Variants in MARF1 observed in about 807,000 individuals in gnomAD.
MARF1 encodes meiosis regulator and mRNA stability factor 1.
In MARF1, 24 loss-of-function variants were observed where a neutral mutation model predicts 168.2. The observed-to-expected ratio is 0.14, with a 90% CI of 0.10 to 0.20. The LOEUF (loss-of-function observed/expected upper bound fraction) is 0.20. Ranked by LOEUF, MARF1 falls within the 10% of genes least tolerant of loss-of-function variation. The pLI is 1.00. For synonymous variants in MARF1, 868 were observed against 822.4 expected (o/e 1.06, Z -0.95); for missense variants, 1,744 against 2,143.6 (o/e 0.81, Z 3.68).
Position 15,616,974 on chromosome 16 carries a change from A to G in MARF1, c.3077+78T>C, listed in dbSNP as rs141728650. The G allele has an allele frequency of 5.4e-5, 82 of 1,506,292 alleles. No individual in the cohort carries two copies. In the African/African-American group the frequency reaches 1.0e-3, roughly 19 times the overall value. 93.3% of individuals were successfully genotyped at this position (1,506,292 alleles called of 1,614,324 possible). On this transcript the variant is annotated intron_variant, in intron 15 of 26. Coordinates refer to ENST00000396368, the MANE Select transcript of MARF1 (RefSeq NM_014647.4). ...TTGTAGAGTACTTATTTGTAAAGAGATGTGGGCAGAAAGGGCAGGCTTCCT... is the reference window on the plus strand; with the variant it reads ...TTGTAGAGTACTTATTTGTAAAGAGGTGTGGGCAGAAAGGGCAGGCTTCCT...
intron 26 of MARF1, among the ~76,000 whole-genome samples, chr16:15,597,611 G>A (rs1236545644): frequency 2.0e-5 from 3 of 152,186 alleles, no homozygotes; most frequent in Non-Finnish European, 4.4e-5. Context: ...AGGGCACAGG[G>A]CTCCTGCTCC....
At chr16:15,622,388 G>T (rs1366165351) in intron 11 of MARF1, among the ~76,000 whole-genome samples, 5 of 149,800 alleles carry the variant, frequency 3.3e-5, no homozygotes, top group Non-Finnish European at 7.4e-5. Flanking sequence ...TTATCAAATT[G>T]CCTTTTTTTT....
Position 15,596,951 on chromosome 16 carries a change from A to G in MARF1, c.4985-14T>C. ...AAATCATAATTTCTGTAAACACAGAAAAGCAAACAGATTCAGATCCAGGAA... is the reference window on the plus strand; with the variant it reads ...AAATCATAATTTCTGTAAACACAGAGAAGCAAACAGATTCAGATCCAGGAA... On this transcript the variant is annotated splice_polypyrimidine_tract_variant and intron_variant, in intron 26 of 26. Coordinates refer to ENST00000396368, the MANE Select transcript of MARF1 (RefSeq NM_014647.4). 1 of 1,588,754 alleles carries G rather than the reference A, an allele frequency of 6.3e-7. No homozygotes were observed. The highest frequency in any genetic ancestry group is 1.3e-5 in the African/African-American group (1 of 74,346).
At chr16:15,622,390 C>CTT (rs995577394) in intron 11 of MARF1, among the ~76,000 whole-genome samples, 1 of 145,070 alleles carries the variant, frequency 6.9e-6, no homozygotes, top group Non-Finnish European at 1.5e-5. Flanking sequence ...ATCAAATTGC[C>CTT]TTTTTTTTTT....
At chr16:15,612,072 A>G (rs1827235662) in intron 17 of MARF1, among the ~76,000 whole-genome samples, 1 of 152,232 alleles carries the variant, frequency 6.6e-6, no homozygotes, top group Non-Finnish European at 1.5e-5. Context: ...AAGTTTTTCA[A>G]GCCGTTTTTA....
At position 15,617,306 on chromosome 16, in the gene MARF1, C is replaced by T; in HGVS notation, c.2950G>A (p.Asp984Asn). 6.2e-7 allele frequency: 1 copy of T among 1,613,528 alleles called. No individual in the cohort carries two copies. The highest frequency in any genetic ancestry group is 2.2e-5 in the East Asian group (1 of 44,880). The change falls in exon 14 of 27, where the codon GAT (aspartate) becomes AAT (asparagine). Residue 984 changes from aspartate to asparagine, a missense_variant. Coordinates refer to ENST00000396368, the MANE Select transcript of MARF1 (RefSeq NM_014647.4). ...GGAAAACGAACGGCACACCTGAAAT[C>T]CTTATTGGAACAATGCTGTCTGCAG... ...PVCRQHCSNK[D>N]FSEHEFDPDS... is the part of the protein sequence containing the mutation.
rs745772144 is a variant in MARF1 at position 15,600,699 on chromosome 16, C to G, written c.4629G>C (p.Val1543=). The G allele has an allele frequency of 6.2e-7, 1 of 1,613,680 alleles. No homozygotes were observed. Among genetic ancestry groups the G allele is most frequent in the South Asian group, 1.1e-5 (1 of 91,084 alleles). The change falls in exon 24 of 27, where the codon GTG becomes GTC. Residue 1543 remains valine, a splice_region_variant and synonymous_variant. Transcript: ENST00000396368. ...TATGACCATGTCCTTTTATCCAGAC[C>G]ACCTGCACACAAGACATACTACTGG... is the stretch of plus-strand genomic sequence containing the variant. ...VEELLGAIPQ[V]VWIKGHGHKR... is the part of the protein sequence containing the mutation.
intron 20 of MARF1, among the ~76,000 whole-genome samples, 153 bp downstream of exon 20, chr16:15,609,370 T>C (rs1313100631): frequency 6.6e-6 from 1 of 151,998 alleles, no homozygotes; most frequent in African/African-American, 2.4e-5. Context: ...TACTAATGAG[T>C]CAGGAATATG....
intron 21 of MARF1, among the ~76,000 whole-genome samples, chr16:15,607,034 C>A (rs1403892984): frequency 6.6e-6 from 1 of 152,148 alleles, no homozygotes; most frequent in African/African-American, 2.4e-5. Flanking sequence ...CCGACTCTTC[C>A]CACTGAGCTA....
chr16:15,639,876 C>T (rs11859644), intron 1 of MARF1, among the ~76,000 whole-genome samples: 3,398 of 152,276 alleles, frequency 0.022, 135 homozygotes, highest in African/African-American at 0.078. Context: ...TGCCATTCTT[C>T]ATGTTTCATA....
At position 15,608,373 on chromosome 16, in the gene MARF1, G is replaced by A; in HGVS notation, c.4100C>T (p.Thr1367Ile). 6.2e-7 allele frequency: 1 copy of A among 1,612,326 alleles called. No individual in the cohort carries two copies. Among genetic ancestry groups the A allele is most frequent in the Non-Finnish European group, 8.5e-7 (1 of 1,179,248 alleles). Residue 1367 changes from threonine to isoleucine, a missense_variant, in exon 21 of 27, where the codon ACT becomes ATT. Thr to Ile is a moderately conservative substitution (Grantham distance 89). Coordinates refer to ENST00000396368, the MANE Select transcript of MARF1 (RefSeq NM_014647.4). ...TTGGAGACGAAATGTATAACCAAAA[G>A]TTTTAGCATATTCTGTAAGGAGATC... ...MTDLLTEYAKTFGYTFRLQDY... is the reference protein window; with the variant it reads ...MTDLLTEYAKIFGYTFRLQDY...
At chr16:15,640,498 GT>G (rs2035878231) in intron 1 of MARF1, among the ~76,000 whole-genome samples, 1 of 152,196 alleles carries the variant, frequency 6.6e-6, no homozygotes, top group Admixed American at 6.5e-5. Flanking sequence ...GAGCCCAGGA[GT>G]TCCCAACCAG....
chr16:15,611,417 C>T (rs2033536066), intron 18 of MARF1, among the ~76,000 whole-genome samples, 175 bp downstream of exon 18: 3 of 146,534 alleles, frequency 2.0e-5, no homozygotes, highest in African/African-American at 7.6e-5. Flanking sequence ...CAAGATCGTG[C>T]CACTGGGCGA....
In MARF1 at chr16:15,636,162, G is replaced by A. The variant is rs1409092127; in HGVS notation, c.325C>T (p.Pro109Ser). The A allele has an allele frequency of 6.2e-7, 1 of 1,614,096 alleles. No individual in the cohort carries two copies. Among genetic ancestry groups the A allele is most frequent in the East Asian group, 2.2e-5 (1 of 44,886 alleles). The change falls in exon 3 of 27, where the codon CCC becomes TCC. Residue 109 changes from proline to serine, a missense_variant. Physicochemically the swap from Pro to Ser is moderately conservative, Grantham distance 74. This residue lies in a region of MARF1 where 318 missense variants were observed against 336.6 expected (regional missense o/e 0.94). Transcript: ENST00000396368. The stretch of plus-strand genomic sequence containing the variant: ...CCAAAACGCATTGGCGAAGTGGAGG[G>A]TTCATTAGGGCAATGAGCACAGCAG... ...VSCCAHCPNE[P>S]STSPMRFGGG...
intron 26 of MARF1, 125 bp from the exon 27 acceptor site, chr16:15,597,062 T>A: frequency 9.3e-7 from 1 of 1,076,864 alleles, no homozygotes; most frequent in South Asian, 1.8e-5. Context: ...ATGCTACATC[T>A]ATGCCACAGT....
At chr16:15,609,196 G>A (rs775526307) in intron 20 of MARF1, among the ~76,000 whole-genome samples, 4 of 152,118 alleles carry the variant, frequency 2.6e-5, no homozygotes, top group Admixed American at 1.3e-4. Flanking sequence ...CCAAGATTGC[G>A]CCATTGCACT....
chr16:15,633,508 T>C, intron 5 of MARF1, 109 bp downstream of exon 5: 1 of 809,368 alleles, frequency 1.2e-6, no homozygotes. Context: ...AATGCGTCAC[T>C]GCACTCCAGC....
intron 13 of MARF1, among the ~76,000 whole-genome samples, chr16:15,620,127 T>A (rs2034349707): frequency 6.6e-6 from 1 of 152,124 alleles, no homozygotes; most frequent in African/African-American, 2.4e-5. Context: ...ATTGTGCCAC[T>A]GCACTCTAGC....
Position 15,598,834 on chromosome 16 carries a change from G to A in MARF1, c.4984+20C>T. 1 of 1,612,586 alleles carries A rather than the reference G, an allele frequency of 6.2e-7. No individual in the cohort carries two copies. The highest frequency in any genetic ancestry group is 8.5e-7 in the Non-Finnish European group (1 of 1,178,738). On this transcript the variant is annotated intron_variant, in intron 26 of 26. Transcript: ENST00000396368. ...TTTAAACCCCGAAGAAAATCCCCAT[G>A]ACAACATGGAGTCACCCACCAGAAG... is the stretch of plus-strand genomic sequence containing the variant.
Sources: allele counts gnomAD v4.1 joint callset (sites outside exome capture counted in the v4.1 genomes callset), GRCh38; gene constraint gnomAD v4.1.1; regional missense constraint gnomAD v4.1.1; transcripts MANE v1.5; gene names NCBI Gene and HGNC (gene_info 2026-07-23, HGNC 2026-07-21).